C2orf78: variants seen among roughly 807,000 people sequenced by gnomAD.
C2orf78 encodes the protein uncharacterized protein C2orf78.
C2orf78 carries 12 observed loss-of-function variants against 21.4 expected under a neutral mutation model. The observed-to-expected ratio is 0.56, with a 90% CI of 0.36 to 0.91. The LOEUF (loss-of-function observed/expected upper bound fraction) is 0.91, where lower values mean the gene tolerates loss of function less well. C2orf78 is among the 40% of genes least tolerant of loss of function. C2orf78 has a pLI of 0.01. For missense variants in C2orf78, 1,042 were observed against 1,092.4 expected (o/e 0.95, Z 0.65); for synonymous variants, 396 against 413.9 (o/e 0.96, Z 0.52).
intron 1 of C2orf78, among the ~76,000 whole-genome samples, chr2:73,813,222 G>A (rs1265712373): frequency 6.6e-6 from 1 of 152,170 alleles, no homozygotes; most frequent in Non-Finnish European, 1.5e-5. Flanking sequence ...TCTAGCCTAG[G>A]AAATAATGTA....
intron 1 of C2orf78, among the ~76,000 whole-genome samples, chr2:73,808,443 ATGTT>A (rs1311720979): frequency 6.6e-6 from 1 of 151,114 alleles, no homozygotes; most frequent in Non-Finnish European, 1.5e-5. Flanking sequence ...TTAAATATAA[ATGTT>A]AATTATATTA....
chr2:73,808,688 C>G, intron 1 of C2orf78: 2 of 1,490,092 alleles, frequency 1.3e-6, no homozygotes, highest in Non-Finnish European at 1.8e-6. Context: ...ATTCTCCCAC[C>G]AAACCAACTG....
exon 3 of C2orf78, chr2:73,817,126 T>G (rs1673220894): frequency 9.3e-7 from 1 of 1,074,212 alleles, no homozygotes; most frequent in Admixed American, 3.4e-5. Flanking sequence ...AGATAAGTAA[T>G]AAAGAGGCCT....
chr2:73,786,203 A>T lies in C2orf78; in HGVS notation c.97+1797A>T, dbSNP rs1348624086. Among the ~76,000 whole-genome samples the T allele has an allele frequency of 2.0e-5, 3 of 151,832 alleles. 1 individual carries two copies. Among genetic ancestry groups the T allele is most frequent in the Non-Finnish European group, 4.4e-5 (3 of 68,006 alleles). ...GAGACCAGCCTAGGCAACATGGTGA[A>T]ACCCCATTTCTCCTGAAAATATAAG... is the stretch of plus-strand genomic sequence containing the variant. On this transcript the variant is annotated intron_variant, in intron 1 of 2. Coordinates refer to ENST00000409561, the Ensembl canonical transcript of C2orf78.
At chr2:73,812,534 C>G (rs1673110493) in intron 1 of C2orf78, among the ~76,000 whole-genome samples, 4 of 152,092 alleles carry the variant, frequency 2.6e-5, no homozygotes, top group Admixed American at 6.6e-5. Flanking sequence ...GGCATTGTGG[C>G]TCACACCTGT....
In C2orf78 at chr2:73,813,036, T is replaced by C. The variant is rs753131949; in HGVS notation, c.98-441T>C. Reference sequence around the variant, plus strand: ...GTCAGGTTCTGTAACCTGGTAATGATATTAACATAATGGTAAAACTTAAAA... The same window carrying C: ...GTCAGGTTCTGTAACCTGGTAATGACATTAACATAATGGTAAAACTTAAAA... On this transcript the variant is annotated intron_variant, in intron 1 of 2. Transcript: ENST00000409561. Among the ~76,000 whole-genome samples, 3 of 152,222 alleles carry C rather than the reference T, an allele frequency of 2.0e-5. No individual in the cohort carries two copies. In the East Asian group the frequency reaches 5.8e-4, roughly 29 times the overall value.
intron 1 of C2orf78, among the ~76,000 whole-genome samples, chr2:73,808,176 C>T (rs1285863567): frequency 6.6e-6 from 1 of 151,016 alleles, no homozygotes; most frequent in Non-Finnish European, 1.5e-5. Flanking sequence ...ATGGCGTGAA[C>T]CTGGGAGGTG....
exon 3 of C2orf78, chr2:73,816,592 A>C: frequency 6.2e-7 from 1 of 1,613,038 alleles, no homozygotes; most frequent in Non-Finnish European, 8.5e-7. Context: ...ATTTCAGCCA[A>C]AGCAACCCAA....
At chr2:73,813,698 T>C (rs1673133202) in exon 2 of C2orf78, 2 of 1,613,980 alleles carry the variant, frequency 1.2e-6, no homozygotes, top group Non-Finnish European at 1.7e-6. Context: ...CACAACTATG[T>C]TGTCTGGGGT....
chr2:73,811,517 CT>C (rs1260859331), intron 1 of C2orf78, among the ~76,000 whole-genome samples: 1 of 152,122 alleles, frequency 6.6e-6, no homozygotes, highest in African/African-American at 2.4e-5. Context: ...GTAAAAGCTG[CT>C]TTTTTATCTT....
In C2orf78 at chr2:73,816,576, C is replaced by T. The variant is rs568164039; in HGVS notation, c.2353C>T (p.Gln785Ter). The change falls in exon 3 of 3, where the codon CAG becomes TAG. Residue 785 changes from glutamine to a stop codon, truncating the protein, a stop_gained. Transcript: ENST00000409561. LOFTEE classifies it low-confidence loss of function (END_TRUNC). ...TTTGACAGGTCCTGCCACACCAGCT[C>T]AGCCAATTTCAGCCAAAGCAACCCA... is the stretch of plus-strand genomic sequence containing the variant. 6.2e-7 allele frequency: 1 copy of T among 1,613,224 alleles called. No homozygotes were observed. The highest frequency in any genetic ancestry group is 1.3e-5 in the African/African-American group (1 of 74,888).
At chr2:73,808,236 A>C (rs1672999846) in intron 1 of C2orf78, among the ~76,000 whole-genome samples, 1 of 151,098 alleles carries the variant, frequency 6.6e-6, no homozygotes, top group Non-Finnish European at 1.5e-5. Flanking sequence ...CCTGGGTGAC[A>C]GAGCCAGACT....
intron 1 of C2orf78, among the ~76,000 whole-genome samples, chr2:73,810,318 G>C (rs1673053209): frequency 6.6e-6 from 1 of 151,756 alleles, no homozygotes; most frequent in South Asian, 2.1e-4. Flanking sequence ...ATGACCTGAG[G>C]TCAGTTCAAG....
exon 3 of C2orf78, chr2:73,816,843 G>A: frequency 2.5e-6 from 4 of 1,614,022 alleles, no homozygotes; most frequent in Admixed American, 1.7e-5. Flanking sequence ...CATCACAGAA[G>A]AGCAGAGGCC....
intron 1 of C2orf78, among the ~76,000 whole-genome samples, chr2:73,813,256 C>T (rs1673124478): frequency 6.6e-6 from 1 of 152,206 alleles, no homozygotes; most frequent in African/African-American, 2.4e-5. Context: ...TTTGGGTCTT[C>T]ATATCTGTGT....
intron 2 of C2orf78, 145 bp downstream of exon 2, chr2:73,814,371 C>A: frequency 1.1e-6 from 1 of 902,776 alleles, no homozygotes; most frequent in Non-Finnish European, 1.7e-6. Flanking sequence ...TCTCCATTTT[C>A]AGACTCTATA....
chr2:73,810,707 A>G (rs573933375), intron 1 of C2orf78, among the ~76,000 whole-genome samples: 1 of 133,344 alleles, frequency 7.5e-6, no homozygotes, highest in Admixed American at 8.3e-5. Context: ...ATATATATAT[A>G]ATATACATAT....
exon 3 of C2orf78, chr2:73,816,531 C>T (rs1178779133): frequency 1.2e-6 from 2 of 1,613,958 alleles, no homozygotes; most frequent in African/African-American, 2.7e-5. Flanking sequence ...TCCATCCCGA[C>T]CAGCTCCTAC....
exon 3 of C2orf78, chr2:73,815,909 C>G (rs1416390753): frequency 1.2e-6 from 2 of 1,613,372 alleles, no homozygotes; most frequent in African/African-American, 2.7e-5. Flanking sequence ...CCAGCAGGAT[C>G]AGCAAAACTA....
Sources: gnomAD v4.1 joint callset for allele counts (sites outside exome capture counted in the v4.1 genomes callset) on GRCh38, gnomAD v4.1.1 for gene constraint, MANE v1.5 for transcripts, NCBI Gene and HGNC (gene_info 2026-07-23, HGNC 2026-07-21) for gene names.